VWDE: variants seen among roughly 807,000 people sequenced by gnomAD.
VWDE encodes the protein von Willebrand factor D and EGF domain-containing protein.
A neutral mutation model predicts 178.4 loss-of-function variants in VWDE; 207 were observed. The observed-to-expected ratio is 1.16, with a 90% CI of 1.04 to 1.30. The LOEUF is 1.30. Ranked by LOEUF, VWDE falls within the 50% of genes most tolerant of loss-of-function variation. VWDE has a pLI of 0.00. For synonymous variants in VWDE, 738 were observed against 651.4 expected (o/e 1.13, Z -2.02); for missense variants, 2,287 against 1,901.3 (o/e 1.20, Z -3.77).
chr7:12,344,858 A>G (rs1396813411), intron 19 of VWDE, among the ~76,000 whole-genome samples: 1 of 152,176 alleles, frequency 6.6e-6, no homozygotes, highest in Non-Finnish European at 1.5e-5. Flanking sequence ...AACCTAGTTC[A>G]TGCAAATAAG....
At chr7:12,349,135 G>A (rs1219680300) in intron 19 of VWDE, among the ~76,000 whole-genome samples, 2 of 152,028 alleles carry the variant, frequency 1.3e-5, no homozygotes, top group South Asian at 4.1e-4. Context: ...TAGATGACGA[G>A]TTAGTGGGTG....
In VWDE at chr7:12,394,802, A is replaced by G. The variant is rs541100190; in HGVS notation, c.59-1024T>C. Among the ~76,000 whole-genome samples the G allele has an allele frequency of 4.3e-4, 66 of 152,258 alleles. 1 individual carries two copies. The highest frequency in any genetic ancestry group is 3.5e-4 in the Non-Finnish European group (24 of 68,012). On this transcript the variant is annotated intron_variant, in intron 1 of 28. Transcript: ENST00000275358. ...GAAAGAAACAATTCAGTCACTAAAA[A>G]TACCTCATCGTGGAAAAACCTTATC...
At chr7:12,351,061 G>A (rs6966459) in intron 19 of VWDE, among the ~76,000 whole-genome samples, 98,885 of 151,980 alleles carry the variant, frequency 0.65, 33,363 homozygotes, top group African/African-American at 0.85. Flanking sequence ...AATCAAAAAT[G>A]TCTTGAGAGA....
chr7:12,371,294 T>C (rs887341633), intron 10 of VWDE, among the ~76,000 whole-genome samples: 7 of 152,178 alleles, frequency 4.6e-5, no homozygotes, highest in African/African-American at 1.4e-4. Context: ...CGCAGCTAAT[T>C]AGCATTCTCT....
In VWDE at chr7:12,380,737, G is replaced by A. The variant is rs1473846965; in HGVS notation, c.542-4C>T. 1.9e-6 allele frequency: 3 copies of A among 1,550,730 alleles called. No homozygotes were observed. The highest frequency in any genetic ancestry group is 2.4e-5 in the South Asian group (2 of 83,992). ...GGCAATGAGGCAGCCAGCTGACCTG[G>A]GGAGAAAATGCATAATTTGTAACTG... is the stretch of plus-strand genomic sequence containing the variant. On this transcript the variant is annotated splice_polypyrimidine_tract_variant and splice_region_variant and intron_variant, in intron 4 of 28. Transcript: ENST00000275358.
At chr7:12,367,929 A>T (rs1782953118) in intron 12 of VWDE, among the ~76,000 whole-genome samples, 1 of 152,198 alleles carries the variant, frequency 6.6e-6, no homozygotes. Flanking sequence ...TGTATCAGTA[A>T]CATCTGGTTG....
intron 23 of VWDE, among the ~76,000 whole-genome samples, chr7:12,340,789 A>G (rs1222868129): frequency 6.6e-6 from 1 of 152,212 alleles, no homozygotes; most frequent in Non-Finnish European, 1.5e-5. Flanking sequence ...AAGAGAAGAC[A>G]ATTCAATTCA....
At position 12,375,034 on chromosome 7, in the gene VWDE, G is replaced by C. The variant is rs371766367; in HGVS notation, c.1218C>G (p.Asn406Lys). 6.3e-5 allele frequency: 98 copies of C among 1,551,192 alleles called. 1 individual carries two copies. In the East Asian group the frequency reaches 9.5e-4, roughly 15 times the overall value. Residue 406 changes from asparagine (N) to lysine (K), a missense_variant, in exon 8 of 29, where the codon AAC (asparagine) becomes AAG (lysine). Coordinates refer to ENST00000275358, the MANE Select transcript of VWDE (RefSeq NM_001135924.3). ...CCTGGATGCTGTCTGGAATGTAGTT[G>C]TTCCACAGGAAATCCTCATTAACTA... ...QPIVNEDFLW[N>K]NYIPDSIQIK... is the part of the protein sequence containing the mutation.
At chr7:12,363,728 T>C (rs925431371) in intron 13 of VWDE, among the ~76,000 whole-genome samples, 14 of 152,044 alleles carry the variant, frequency 9.2e-5, no homozygotes, top group Admixed American at 7.9e-4. Flanking sequence ...AAGTAACAAT[T>C]CTATGTGCAT....
chr7:12,401,368 C>T (rs1460884764), intron 1 of VWDE, among the ~76,000 whole-genome samples: 10 of 152,084 alleles, frequency 6.6e-5, no homozygotes, highest in Admixed American at 1.3e-4. Flanking sequence ...CCACGACCCA[C>T]AGAATGGGAG....
chr7:12,374,348 T>C (rs1001766473), intron 9 of VWDE, among the ~76,000 whole-genome samples: 12 of 152,054 alleles, frequency 7.9e-5, no homozygotes, highest in African/African-American at 2.9e-4. Context: ...TTAAAGATTG[T>C]TTTATTATCA....
At chr7:12,364,335 C>G (rs572086580) in intron 13 of VWDE, among the ~76,000 whole-genome samples, 2 of 152,170 alleles carry the variant, frequency 1.3e-5, no homozygotes, top group Non-Finnish European at 2.9e-5. Context: ...TTAAATGACC[C>G]TCTTTGATAA....
In VWDE at chr7:12,369,850, A is replaced by G. The variant is rs1169543600; in HGVS notation, c.2456T>C (p.Ile819Thr). The part of the protein sequence containing the change: ...LCQETLANSS[I>T]GRLCLAFLGK... ...AAGAAAAGCAAGACACAGCCTTCCTATGCTGGAGTTGGCTAGAGTCTCCTG... is the reference window on the plus strand; with the variant it reads ...AAGAAAAGCAAGACACAGCCTTCCTGTGCTGGAGTTGGCTAGAGTCTCCTG... Residue 819 changes from isoleucine (I) to threonine (T), a missense_variant, in exon 12 of 29, where the codon ATA (isoleucine) becomes ACA (threonine). Physicochemically the swap from Ile to Thr is moderately conservative, Grantham distance 89. Coordinates refer to ENST00000275358, the MANE Select transcript of VWDE (RefSeq NM_001135924.3). 1.3e-6 allele frequency: 2 copies of G among 1,551,368 alleles called. No homozygotes were observed. Among genetic ancestry groups the G allele is most frequent in the East Asian group, 2.4e-5 (1 of 40,904 alleles).
intron 16 of VWDE, among the ~76,000 whole-genome samples, chr7:12,357,778 A>G (rs1016599740): frequency 4.6e-5 from 7 of 151,992 alleles, no homozygotes; most frequent in Non-Finnish European, 1.0e-4. Context: ...ATATATAAAT[A>G]CCCATGCACT....
chr7:12,380,615 T>G lies in VWDE; in HGVS notation c.660A>C (p.Ser220=), dbSNP rs1384191523. 3 of 1,552,368 alleles carry G rather than the reference T, an allele frequency of 1.9e-6. No individual in the cohort carries two copies. Among genetic ancestry groups the G allele is most frequent in the Non-Finnish European group, 2.6e-6 (3 of 1,147,154 alleles). The part of the protein sequence containing the change: ...CSFDVPATKN[S]VGFHIAWSRL... The stretch of plus-strand genomic sequence containing the variant: ...TAGACCAAGCTATGTGAAATCCCAC[T>G]GAGTTTTTTGTAGCGGGAACATCAA... The change falls in exon 5 of 29, where the codon TCA becomes TCC. Residue 220 remains serine (S), a synonymous_variant. Coordinates refer to ENST00000275358, the MANE Select transcript of VWDE (RefSeq NM_001135924.3).
intron 9 of VWDE, among the ~76,000 whole-genome samples, chr7:12,373,795 A>T (rs1421000306): frequency 6.6e-6 from 1 of 151,814 alleles, no homozygotes; most frequent in African/African-American, 2.4e-5. Flanking sequence ...TGCGTAATTA[A>T]TCTTGTTGAA....
intron 10 of VWDE, 60 bp downstream of exon 10, chr7:12,372,917 G>C (rs903817581): frequency 3.5e-6 from 5 of 1,443,482 alleles, no homozygotes; most frequent in East Asian, 2.5e-5. Flanking sequence ...ATTTAATAGA[G>C]ATGTTTATCT....
chr7:12,375,022 T>A lies in VWDE; in HGVS notation c.1230A>T (p.Pro410=). The change falls in exon 8 of 29, where the codon CCA becomes CCT. Residue 410 remains proline, a synonymous_variant. Coordinates refer to ENST00000275358, the MANE Select transcript of VWDE (RefSeq NM_001135924.3). ...NEDFLWNNYI[P]DSIQIKVKDV... is the part of the protein sequence containing the mutation. ...GTAATTTGTCAACCTGGATGCTGTCTGGAATGTAGTTGTTCCACAGGAAAT... is the reference window on the plus strand; with the variant it reads ...GTAATTTGTCAACCTGGATGCTGTCAGGAATGTAGTTGTTCCACAGGAAAT... 1.3e-6 allele frequency: 2 copies of A among 1,551,178 alleles called. No homozygotes were observed. Among genetic ancestry groups the A allele is most frequent in the Non-Finnish European group, 1.7e-6 (2 of 1,146,550 alleles).
chr7:12,389,501 A>G, intron 2 of VWDE, 143 bp from the exon 3 acceptor site: 2 of 610,418 alleles, frequency 3.3e-6, no homozygotes, highest in Non-Finnish European at 2.9e-6. Flanking sequence ...GTTCTATACA[A>G]GGAAAAGTAG....
Sources: allele counts gnomAD v4.1 joint callset (sites outside exome capture counted in the v4.1 genomes callset), GRCh38; gene constraint gnomAD v4.1.1; transcripts MANE v1.5; gene names NCBI Gene and HGNC (gene_info 2026-07-23, HGNC 2026-07-21).